Variants in CSF2RA observed in about 807,000 individuals in gnomAD.
CSF2RA encodes colony stimulating factor 2 receptor subunit alpha, also known as granulocyte-macrophage colony-stimulating factor receptor subunit alpha.
In CSF2RA, 42 loss-of-function variants were observed where a neutral mutation model predicts 51.6. That is an observed-to-expected ratio of 0.81 (90% confidence interval 0.64 to 1.05). The LOEUF is 1.05. Among genes scored for constraint, CSF2RA ranks in the 50% least tolerant of loss-of-function variants. The probability of loss-of-function intolerance (pLI) is 0.00; values close to 1 mark genes in which losing one functional copy is unlikely to be tolerated. For missense variants in CSF2RA, 530 were observed against 501.1 expected (o/e 1.06, Z -0.55); for synonymous variants, 222 against 193.0 (o/e 1.15, Z -1.24).
intron 9 of CSF2RA, among the ~76,000 whole-genome samples, chrX:1,296,228 C>G (rs1183049517): frequency 2.0e-5 from 3 of 150,816 alleles, no homozygotes; most frequent in African/African-American, 7.3e-5. Context: ...CTGGCGGAAC[C>G]CTACACTCCC....
intron 11 of CSF2RA, 87 bp from the exon 12 acceptor site, chrX:1,305,359 C>A: frequency 7.0e-7 from 1 of 1,437,056 alleles, no homozygotes; most frequent in African/African-American, 1.4e-5. Context: ...ACACCCCGCA[C>A]GCAGCATCCC....
intron 2 of CSF2RA, among the ~76,000 whole-genome samples, chrX:1,279,079 A>C (rs1404468402): frequency 1.4e-4 from 21 of 150,774 alleles, no homozygotes; most frequent in African/African-American, 5.1e-4. Context: ...CCGTACGTAC[A>C]GTGGCTCACA....
chrX:1,280,317 C>CA (rs2089727463), intron 2 of CSF2RA, among the ~76,000 whole-genome samples: 1 of 151,788 alleles, frequency 6.6e-6, no homozygotes, highest in Non-Finnish European at 1.5e-5. Context: ...ACTAAAAATG[C>CA]AAAATTAGCC....
chrX:1,315,423 A>C, the CSF2RA span, among the ~76,000 whole-genome samples: 2 of 152,074 alleles, frequency 1.3e-5, no homozygotes, highest in Non-Finnish European at 2.9e-5. Flanking sequence ...TTGTTTTAAG[A>C]GACAGAGTCT....
intron 2 of CSF2RA, among the ~76,000 whole-genome samples, chrX:1,280,577 A>T (rs2089780696): frequency 6.6e-6 from 1 of 152,164 alleles, no homozygotes; most frequent in South Asian, 2.1e-4. Context: ...ATGAATTTAA[A>T]CATTTTCTGG....
the CSF2RA span, among the ~76,000 whole-genome samples, chrX:1,320,105 C>T: frequency 1.3e-5 from 2 of 151,988 alleles, no homozygotes; most frequent in Admixed American, 1.3e-4. Flanking sequence ...CCATGTTAGC[C>T]AGGATGGTCT....
intron 2 of CSF2RA, among the ~76,000 whole-genome samples, chrX:1,281,094 TCC>T (rs760215259): frequency 1.9e-4 from 7 of 37,778 alleles, no homozygotes; most frequent in East Asian, 1.2e-3. Flanking sequence ...CTCCTCCTGC[TCC>T]CCTTCTCCTC....
chrX:1,300,700 C>T (rs2092310289), intron 10 of CSF2RA, 74 bp downstream of exon 10: 5 of 1,597,490 alleles, frequency 3.1e-6, no homozygotes, highest in Non-Finnish European at 3.4e-6. Flanking sequence ...AGGTCAGGTG[C>T]TCTGTCCTGG....
chrX:1,305,760 GGGT>G lies in CSF2RA; in HGVS notation c.1125+240_1125+242del, dbSNP rs754902288. 10 of 1,551,648 alleles carry G rather than the reference GGGT, an allele frequency of 6.4e-6. No individual in the cohort carries two copies. The South Asian group carries it at 1.2e-4, about 18-fold the overall frequency. On this transcript the variant is annotated intron_variant, in intron 12 of 12. Coordinates refer to ENST00000381529, the MANE Select transcript of CSF2RA (RefSeq NM_172245.4). ...AGCTCCATCAGGAGAAACTGAGGCAGGGTGGTGGTCAAGAAAAGGAGGAGAAGA... is the reference window on the plus strand; with the variant it reads ...AGCTCCATCAGGAGAAACTGAGGCAGGGTGGTCAAGAAAAGGAGGAGAAGA...
chrX:1,316,427 G>A, the CSF2RA span, among the ~76,000 whole-genome samples: 2 of 152,260 alleles, frequency 1.3e-5, no homozygotes, highest in East Asian at 3.9e-4. Context: ...GTTAGACGGT[G>A]AACCATCCAA....
downstream of CSF2RA, among the ~76,000 whole-genome samples, chrX:1,314,490 C>CCACTGTGCCTGCCCAACCG (rs1569514889): frequency 8.8e-6 from 1 of 113,492 alleles, no homozygotes; most frequent in Non-Finnish European, 1.8e-5. Context: ...CTACCCAACC[C>CCACTGTGCCTGCCCAACCG]CACTGTGCCT....
At chrX:1,289,939 G>A (rs1300359140) in intron 6 of CSF2RA, among the ~76,000 whole-genome samples, 4 of 79,936 alleles carry the variant, frequency 5.0e-5, no homozygotes, top group Non-Finnish European at 1.1e-4. Flanking sequence ...TTTGTTTTGT[G>A]TTTTTGTGTT....
downstream of CSF2RA, among the ~76,000 whole-genome samples, chrX:1,314,127 T>C (rs1435541286): frequency 1.1e-4 from 16 of 152,018 alleles, no homozygotes; most frequent in Non-Finnish European, 1.6e-4. Flanking sequence ...CTGTGTTCTT[T>C]GGCACCTACG....
At chrX:1,303,815 T>C (rs1426886718) in intron 10 of CSF2RA, 108 bp from the exon 11 acceptor site, 23 of 994,572 alleles carry the variant, frequency 2.3e-5, no homozygotes, top group South Asian at 1.1e-4. Flanking sequence ...AGTTCTCAGC[T>C]TGACTGTTCC....
chrX:1,294,296 G>T (rs185329930), intron 7 of CSF2RA, 32 bp from the exon 8 acceptor site: 2 of 1,612,020 alleles, frequency 1.2e-6, no homozygotes, highest in East Asian at 4.5e-5. Context: ...GACCTCTCGG[G>T]TTCAGGGGTG....
chrX:1,295,337 C>T, intron 8 of CSF2RA, 90 bp from the exon 9 acceptor site: 1 of 1,543,078 alleles, frequency 6.5e-7, no homozygotes, highest in South Asian at 1.1e-5. Flanking sequence ...CCATTCGGTG[C>T]CCACACCAGG....
At chrX:1,292,992 GT>G (rs1309818180) in intron 7 of CSF2RA, among the ~76,000 whole-genome samples, 18 of 152,114 alleles carry the variant, frequency 1.2e-4, no homozygotes, top group African/African-American at 4.3e-4. Context: ...GGTGTCCCTG[GT>G]TAATAGAGAA....
rs1202638641 is a variant in CSF2RA at position 1,290,371 on chromosome X, C to T, written c.508C>T (p.Gln170Ter). The T allele has an allele frequency of 6.2e-7, 1 of 1,613,576 alleles. No individual in the cohort carries two copies. The highest frequency in any genetic ancestry group is 8.5e-7 in the Non-Finnish European group (1 of 1,179,594). Residue 170 changes from glutamine (Q) to a stop codon, truncating the protein, a stop_gained, in exon 7 of 13, where the codon CAA (glutamine) becomes TAA (stop). Transcript: ENST00000381529. LOFTEE classifies it high-confidence loss of function. Reference sequence around the variant, plus strand: ...GGAGATCCGGTGTCCTTATTACATACAAGACTCAGGAACCCATGTGGGATG... The same window carrying T: ...GGAGATCCGGTGTCCTTATTACATATAAGACTCAGGAACCCATGTGGGATG... ...RREIRCPYYI[Q>*]DSGTHVGCHL...
intron 12 of CSF2RA, among the ~76,000 whole-genome samples, chrX:1,308,449 C>T (rs1295270426): frequency 2.0e-5 from 3 of 151,958 alleles, no homozygotes; most frequent in Non-Finnish European, 2.9e-5. Flanking sequence ...ACAGCAAGAC[C>T]CCAGAGAGGG....
Sources: allele counts gnomAD v4.1 joint callset (sites outside exome capture counted in the v4.1 genomes callset), GRCh38; gene constraint gnomAD v4.1.1; transcripts MANE v1.5; gene names NCBI Gene and HGNC (gene_info 2026-07-23, HGNC 2026-07-21).